The following DNM1L variants were observed in gnomAD, a reference collection of about 807,000 sequenced individuals.
DNM1L encodes dynamin 1L.
A neutral mutation model predicts 92.8 loss-of-function variants in DNM1L; 33 were observed. That is an observed-to-expected ratio of 0.36 (90% CI 0.27 to 0.48). The LOEUF is 0.48. Among genes scored for constraint, DNM1L ranks in the 20% least tolerant of loss-of-function variants. The probability of loss-of-function intolerance (pLI) is 0.99; values close to 1 mark genes in which losing one functional copy is unlikely to be tolerated. For synonymous variants in DNM1L, 284 were observed against 305.0 expected (o/e 0.93, Z 0.72); for missense variants, 485 against 888.8 (o/e 0.55, Z 5.78).
At chr12:32,720,889 T>C in intron 8 of DNM1L, 94 bp downstream of exon 8, 2 of 1,499,336 alleles carry the variant, frequency 1.3e-6, no homozygotes, top group Non-Finnish European at 1.8e-6. Context: ...TTTCATACTG[T>C]TCCTAACAGC....
chr12:32,699,635 A>AGT (rs1328717422), intron 1 of DNM1L, among the ~76,000 whole-genome samples: 2 of 152,028 alleles, frequency 1.3e-5, no homozygotes, highest in Non-Finnish European at 2.9e-5. Context: ...GTCTCTACTA[A>AGT]AAATACAAAA....
chr12:32,741,152 C>T (rs1004019082), intron 18 of DNM1L, among the ~76,000 whole-genome samples: 1 of 152,166 alleles, frequency 6.6e-6, no homozygotes, highest in African/African-American at 2.4e-5. Flanking sequence ...TGATTTTTGT[C>T]TGTAGAACCA....
At chr12:32,717,830 G>C (rs188188741) in intron 6 of DNM1L, among the ~76,000 whole-genome samples, 2,233 of 106,324 alleles carry the variant, frequency 0.021, 125 homozygotes, top group Non-Finnish European at 0.03. Flanking sequence ...AATATATATA[G>C]TATATACTAT....
intron 1 of DNM1L, chr12:32,679,695 C>T (rs111956384): frequency 1.6e-6 from 2 of 1,228,292 alleles, no homozygotes; most frequent in East Asian, 7.8e-5. Flanking sequence ...GGGGCGGAGC[C>T]GGCGCGGCGG....
At chr12:32,718,524 C>G in intron 6 of DNM1L, 119 bp from the exon 7 acceptor site, 1 of 1,235,386 alleles carries the variant, frequency 8.1e-7, no homozygotes, top group Non-Finnish European at 1.2e-6. Context: ...AAAATGATGA[C>G]AGAGGTAATA....
At position 32,738,303 on chromosome 12, in the gene DNM1L, C is replaced by A; in HGVS notation, c.1707+7C>A. 6.2e-7 allele frequency: 1 copy of A among 1,613,496 alleles called. No homozygotes were observed. Among genetic ancestry groups the A allele is most frequent in the Admixed American group, 1.7e-5 (1 of 60,014 alleles). ...CAGAAGAGAAACTAAAAATGTGAGT[C>A]TCTTGCTTCAGAATGGAAATGTTGG... On this transcript the variant is annotated splice_region_variant and intron_variant, in intron 16 of 19. Transcript: ENST00000549701.
chr12:32,704,886 A>C (rs912185193), intron 2 of DNM1L, among the ~76,000 whole-genome samples: 2 of 152,174 alleles, frequency 1.3e-5, no homozygotes, highest in Non-Finnish European at 2.9e-5. Context: ...AAATACTTGC[A>C]TATACTTACC....
At chr12:32,735,856 G>A (rs149212630) in intron 13 of DNM1L, among the ~76,000 whole-genome samples, 47 of 152,068 alleles carry the variant, frequency 3.1e-4, no homozygotes, top group African/African-American at 9.6e-4. Flanking sequence ...CAGCCTGGGC[G>A]ACAGAGCGAG....
chr12:32,738,079 A>G, intron 15 of DNM1L, 137 bp downstream of exon 15: 1 of 1,093,058 alleles, frequency 9.1e-7, no homozygotes, highest in Non-Finnish European at 1.3e-6. Flanking sequence ...TCTAATATAT[A>G]TTTTAAAATT....
At chr12:32,711,255 C>T (rs2137360646) in intron 5 of DNM1L, 1 of 460,938 alleles carries the variant, frequency 2.2e-6, no homozygotes, top group South Asian at 2.4e-5. Context: ...TTCTTCTCAT[C>T]TCCCCAATGT....
rs1019651034 is a variant in DNM1L at position 32,744,259 on chromosome 12, A to G, written c.*849A>G. On this transcript the variant is annotated 3_prime_UTR_variant, in exon 20 of 20. Transcript: ENST00000549701. ...ACAGTAGTAATTAAGGTACATCTCT[A>G]AAGTGGAGCACTTACACCAGGCTCT... 6.6e-6 allele frequency: 1 copy of G among 152,382 alleles called. No individual in the cohort carries two copies. The highest frequency in any genetic ancestry group is 2.4e-5 in the African/African-American group (1 of 41,466). The allele number at this position is 152,382 out of a possible 1,614,324, so 9.4% of individuals were successfully genotyped here.
In DNM1L at chr12:32,732,051, A is replaced by T. The variant is rs143817259; in HGVS notation, c.1446+108A>T. ...TATGGTTACTTTAGAGTGTAGGCAT[A>T]ATGTTTTCCAGTGTATTGGGAGGAA... is the stretch of plus-strand genomic sequence containing the variant. On this transcript the variant is annotated intron_variant, in intron 12 of 19. Transcript: ENST00000549701. The T allele has an allele frequency of 2.7e-5, 22 of 812,518 alleles. No homozygotes were observed. In the East Asian group the frequency reaches 4.4e-4, roughly 16 times the overall value. 50.3% of individuals were successfully genotyped at this position (812,518 alleles called of 1,614,324 possible).
In DNM1L at chr12:32,739,741, T is replaced by C. The variant is rs1231926285; in HGVS notation, c.1708-323T>C. 9.7e-6 allele frequency: 3 copies of C among 309,572 alleles called. No homozygotes were observed. In the East Asian group the frequency reaches 2.0e-4, roughly 21 times the overall value. The allele number at this position is 309,572 out of a possible 1,614,324, so 19.2% of individuals were successfully genotyped here. ...TTTGTTTTTAAGGGCAGCATATACT[T>C]TTCCTACAATTTAGTGTTTGAAGGG... On this transcript the variant is annotated intron_variant, in intron 16 of 19. Transcript: ENST00000549701.
intron 2 of DNM1L, among the ~76,000 whole-genome samples, chr12:32,702,811 CTATGTGGG>C (rs1478266751): frequency 1.3e-5 from 2 of 151,990 alleles, no homozygotes; most frequent in African/African-American, 2.4e-5. Context: ...CTGCCAGTGG[CTATGTGGG>C]AGCCTTTTAA....
chr12:32,684,477 C>CTTTTTTTTTTTTTTTTTTTTTTTTTTTTT (rs768276200), intron 1 of DNM1L, among the ~76,000 whole-genome samples: 1 of 146,094 alleles, frequency 6.8e-6, no homozygotes. Flanking sequence ...CAACATAATT[C>CTTTTTTTTTTTTTTTTTTTTTTTTTTTTT]TTTTTTTTTT....
chr12:32,734,032 C>T (rs1176952019), intron 13 of DNM1L, among the ~76,000 whole-genome samples: 2 of 152,164 alleles, frequency 1.3e-5, no homozygotes, highest in African/African-American at 4.8e-5. Context: ...CAGAAAGAAT[C>T]TGAAAATTCA....
chr12:32,732,976 A>G (rs1007523447), intron 12 of DNM1L, among the ~76,000 whole-genome samples: 1 of 152,138 alleles, frequency 6.6e-6, no homozygotes, highest in Non-Finnish European at 1.5e-5. Flanking sequence ...CATGCCTGTA[A>G]TCCCAGCTAC....
At chr12:32,697,216 G>A (rs1952504480) in intron 1 of DNM1L, among the ~76,000 whole-genome samples, 1 of 151,864 alleles carries the variant, frequency 6.6e-6, no homozygotes, top group Non-Finnish European at 1.5e-5. Flanking sequence ...GTGATAGAGC[G>A]AGACTCTCTA....
Position 32,740,077 on chromosome 12 carries a change from G to A in DNM1L, c.1721G>A (p.Gly574Asp). Residue 574 changes from glycine (G) to aspartate (D), a missense_variant, in exon 17 of 20, where the codon GGT (glycine) becomes GAT (aspartate). By Grantham distance (94) the Gly-to-Asp change is moderately conservative. Transcript: ENST00000549701. ...RRETKNVASG[G>D]GGVGDGVQEP... ...ATGTTTTTTCAGGTTGCATCTGGAG[G>A]TGGTGGGGTTGGAGATGGTGTTCAA... The A allele has an allele frequency of 1.2e-6, 2 of 1,614,178 alleles. No homozygotes were observed. Among genetic ancestry groups the A allele is most frequent in the South Asian group, 1.1e-5 (1 of 91,076 alleles).
Sources: gnomAD v4.1 joint callset for allele counts (sites outside exome capture counted in the v4.1 genomes callset) on GRCh38, gnomAD v4.1.1 for gene constraint, MANE v1.5 for transcripts, NCBI Gene and HGNC (gene_info 2026-07-23, HGNC 2026-07-21) for gene names.